The following LRRC4C variants were observed in gnomAD, a reference collection of about 807,000 sequenced individuals.
LRRC4C encodes the protein leucine-rich repeat-containing protein 4C.
A neutral mutation model predicts 33.6 loss-of-function variants in LRRC4C; 5 were observed. The observed-to-expected ratio is 0.15, with a 90% CI of 0.08 to 0.31. LRRC4C has a LOEUF of 0.31. Ranked by LOEUF, LRRC4C falls within the 10% of genes least tolerant of loss-of-function variation. The pLI, the probability that LRRC4C is intolerant of heterozygous loss-of-function variation, is 1.00. For missense variants in LRRC4C, 560 were observed against 796.7 expected, an observed-to-expected ratio of 0.70 and a Z score of 3.58; for synonymous variants, 329 against 302.0, an observed-to-expected ratio of 1.09 and a Z score of -0.93.
chr11:41,210,467 C>T (rs1005137471), intron 1 of LRRC4C, among the ~76,000 whole-genome samples: 1 of 152,144 alleles, frequency 6.6e-6, no homozygotes, highest in East Asian at 1.9e-4. Flanking sequence ...ATTGTGAGCC[C>T]TCCCCAGCCA....
At chr11:41,286,114 C>T (rs1401875417) in intron 1 of LRRC4C, among the ~76,000 whole-genome samples, 1 of 152,198 alleles carries the variant, frequency 6.6e-6, no homozygotes, top group Non-Finnish European at 1.5e-5. Context: ...CAGGCGTGAG[C>T]CACCACGCCC....
intron 3 of LRRC4C, among the ~76,000 whole-genome samples, chr11:40,604,840 T>A (rs1960400874): frequency 1.3e-5 from 2 of 151,758 alleles, no homozygotes; most frequent in South Asian, 4.2e-4. Flanking sequence ...AGAAAAAGAA[T>A]AAAAATAAAG....
At chr11:40,528,939 A>G (rs1565476890) in intron 3 of LRRC4C, among the ~76,000 whole-genome samples, 2 of 152,170 alleles carry the variant, frequency 1.3e-5, no homozygotes, top group Non-Finnish European at 2.9e-5. Flanking sequence ...AAAATAGTCA[A>G]ACTCATAGAA....
intron 2 of LRRC4C, among the ~76,000 whole-genome samples, chr11:40,815,666 A>G (rs1422334456): frequency 1.3e-5 from 2 of 152,078 alleles, no homozygotes; most frequent in African/African-American, 2.4e-5. Context: ...CTTCCCAAGG[A>G]GCACCAGTCT....
At chr11:40,579,321 G>GT (rs1958359313) in intron 3 of LRRC4C, among the ~76,000 whole-genome samples, 1 of 129,826 alleles carries the variant, frequency 7.7e-6, no homozygotes, top group African/African-American at 3.0e-5. Flanking sequence ...GTGAGACTCT[G>GT]TTAAAAAAAA....
intron 3 of LRRC4C, among the ~76,000 whole-genome samples, chr11:40,336,184 CTG>C (rs1173252605): frequency 6.6e-6 from 1 of 152,212 alleles, no homozygotes; most frequent in Non-Finnish European, 1.5e-5. Context: ...TCTAACGTAA[CTG>C]TGACAGAACA....
At chr11:40,487,905 A>G (rs1463442753) in intron 3 of LRRC4C, among the ~76,000 whole-genome samples, 1 of 152,098 alleles carries the variant, frequency 6.6e-6, no homozygotes, top group Non-Finnish European at 1.5e-5. Flanking sequence ...AGTGCTTTGC[A>G]TTTTGCTTAG....
chr11:41,124,592 T>A (rs199674426), intron 1 of LRRC4C, among the ~76,000 whole-genome samples: 2 of 152,142 alleles, frequency 1.3e-5, no homozygotes, highest in South Asian at 2.1e-4. Flanking sequence ...AAATGCTTTT[T>A]AAAAACTTAA....
At chr11:40,307,072 G>A (rs965268692) in intron 4 of LRRC4C, among the ~76,000 whole-genome samples, 3 of 149,942 alleles carry the variant, frequency 2.0e-5, no homozygotes, top group Non-Finnish European at 4.4e-5. Flanking sequence ...GCTTGGGGAG[G>A]TGCCCTAGGT....
chr11:40,366,306 A>G (rs1373628631), intron 3 of LRRC4C, among the ~76,000 whole-genome samples: 1 of 152,102 alleles, frequency 6.6e-6, no homozygotes, highest in Non-Finnish European at 1.5e-5. Context: ...ATGGCTTATT[A>G]TGTACAAGGT....
At chr11:40,464,081 T>C (rs2138215043) in intron 3 of LRRC4C, among the ~76,000 whole-genome samples, 1 of 151,836 alleles carries the variant, frequency 6.6e-6, no homozygotes. Context: ...GACACAAAAA[T>C]CCTCAAATAA....
intron 2 of LRRC4C, among the ~76,000 whole-genome samples, chr11:40,656,799 T>C (rs1245375148): frequency 6.6e-6 from 1 of 152,208 alleles, no homozygotes; most frequent in African/African-American, 2.4e-5. Flanking sequence ...TTTGTTAAAA[T>C]ATCCATATAC....
chr11:40,307,312 T>C (rs1945088804), intron 4 of LRRC4C, among the ~76,000 whole-genome samples: 2 of 152,212 alleles, frequency 1.3e-5, no homozygotes, highest in South Asian at 4.1e-4. Context: ...TTTCTTTGAA[T>C]GATTGGGAGA....
chr11:41,357,850 G>A (rs571684585), intron 1 of LRRC4C, among the ~76,000 whole-genome samples: 1 of 152,204 alleles, frequency 6.6e-6, no homozygotes, highest in South Asian at 2.1e-4. Context: ...TTGATCTACA[G>A]ATTTAATGCA....
intron 1 of LRRC4C, among the ~76,000 whole-genome samples, chr11:41,206,656 C>T (rs760370512): frequency 6.6e-6 from 1 of 152,160 alleles, no homozygotes; most frequent in African/African-American, 2.4e-5. Context: ...TGCAAGGACA[C>T]AGTTTTGAAT....
chr11:40,909,858 A>G (rs778845289), intron 2 of LRRC4C, among the ~76,000 whole-genome samples: 4 of 152,204 alleles, frequency 2.6e-5, no homozygotes, highest in Non-Finnish European at 5.9e-5. Flanking sequence ...CTAAATTCAC[A>G]AAGGCATTGA....
At chr11:41,339,225 C>T (rs1207578972) in intron 1 of LRRC4C, among the ~76,000 whole-genome samples, 1 of 152,138 alleles carries the variant, frequency 6.6e-6, no homozygotes, top group African/African-American at 2.4e-5. Context: ...AAGATGATAA[C>T]TTAAACTTTC....
At chr11:40,956,186 C>T (rs188391540) in intron 1 of LRRC4C, among the ~76,000 whole-genome samples, 2 of 151,738 alleles carry the variant, frequency 1.3e-5, no homozygotes, top group Admixed American at 6.6e-5. Context: ...TTGTGCTGAT[C>T]GGCTGTGAAA....
chr11:41,090,121 G>C (rs1409247898), intron 1 of LRRC4C, among the ~76,000 whole-genome samples: 1 of 152,078 alleles, frequency 6.6e-6, no homozygotes, highest in Non-Finnish European at 1.5e-5. Context: ...TGCAAGGAAA[G>C]CCTGATTGAC....
Sources: gnomAD v4.1 joint callset for allele counts (sites outside exome capture counted in the v4.1 genomes callset) on GRCh38, gnomAD v4.1.1 for gene constraint, MANE v1.5 for transcripts, NCBI Gene and HGNC (gene_info 2026-07-23, HGNC 2026-07-21) for gene names.